Variants in ATP10B observed in about 807,000 individuals in gnomAD.
ATP10B encodes the protein phospholipid-transporting ATPase VB.
ATP10B carries 122 observed loss-of-function variants against 141.2 expected under a neutral mutation model. The observed-to-expected ratio is 0.86, with a 90% CI of 0.75 to 1.00. The LOEUF (loss-of-function observed/expected upper bound fraction) is 1.00, where lower values mean the gene tolerates loss of function less well. Ranked by LOEUF, ATP10B falls within the 50% of genes least tolerant of loss-of-function variation. The pLI is 0.00. For missense variants in ATP10B, 1,876 were observed against 1,825.3 expected, an observed-to-expected ratio of 1.03 and a Z score of -0.51; for synonymous variants, 685 against 692.0, an observed-to-expected ratio of 0.99 and a Z score of 0.16.
intron 14 of ATP10B, 30 bp downstream of exon 14, chr5:160,622,364 C>T: frequency 6.3e-7 from 1 of 1,583,374 alleles, no homozygotes; most frequent in Non-Finnish European, 8.6e-7. Flanking sequence ...CCTCCTTTAC[C>T]CTCCTCCCCC....
chr5:160,730,006 G>A (rs1766625261), intron 2 of ATP10B, among the ~76,000 whole-genome samples: 1 of 152,094 alleles, frequency 6.6e-6, no homozygotes, highest in Admixed American at 6.5e-5. Flanking sequence ...TGATGATAAC[G>A]GTCATGCTAA....
At chr5:160,649,502 TGCCTGGGTGTGGGGCTGTA>T (rs1167798299) in intron 7 of ATP10B, among the ~76,000 whole-genome samples, 1 of 152,332 alleles carries the variant, frequency 6.6e-6, no homozygotes, top group Non-Finnish European at 1.5e-5. Flanking sequence ...TTCTCTGACC[TGCCTGGGTGTGGGGCTGTA>T]GCCCAGATCT....
At chr5:160,623,670 TA>T (rs1366006815) in intron 13 of ATP10B, among the ~76,000 whole-genome samples, 1 of 152,200 alleles carries the variant, frequency 6.6e-6, no homozygotes, top group Non-Finnish European at 1.5e-5. Flanking sequence ...TATTGACCTA[TA>T]TGTTATTTGT....
At chr5:160,788,012 C>A (rs6886104) in intron 1 of ATP10B, among the ~76,000 whole-genome samples, 17,139 of 152,134 alleles carry the variant, frequency 0.11, 1,045 homozygotes, top group East Asian at 0.13. Context: ...TAAAGTTTTG[C>A]CCCTGTCCTC....
rs1337231869 is a variant in ATP10B at position 160,637,037 on chromosome 5, CATGA to C, written c.1001-732_1001-729del. ...CCATCTATCCATCCATCCATCCATCCATGAATCCATCCATCCATCCATCCATCCA... is the reference window on the plus strand; with the variant it reads ...CCATCTATCCATCCATCCATCCATCCATCCATCCATCCATCCATCCATCCA... On this transcript the variant is annotated intron_variant, in intron 10 of 25. Transcript: ENST00000327245. Among the ~76,000 whole-genome samples, 10 of 18,324 alleles carry C rather than the reference CATGA, an allele frequency of 5.5e-4. 1 individual carries two copies. Among genetic ancestry groups the C allele is most frequent in the African/African-American group, 2.5e-3 (8 of 3,142 alleles). The allele number at this position is 18,324 out of a possible 152,430, so 12.0% of individuals were successfully genotyped here.
At chr5:160,822,317 C>A (rs557888863) in intron 1 of ATP10B, among the ~76,000 whole-genome samples, 12 of 152,188 alleles carry the variant, frequency 7.9e-5, no homozygotes, top group Non-Finnish European at 1.2e-4. Context: ...AGTGAGATAT[C>A]ATTTCACCCC....
chr5:160,859,339 C>A, the ATP10B span, among the ~76,000 whole-genome samples: 1 of 151,816 alleles, frequency 6.6e-6, no homozygotes, highest in Non-Finnish European at 1.5e-5. Context: ...ATTATTCTTC[C>A]TCTAAGGTAA....
chr5:160,730,117 G>C (rs973891529), intron 2 of ATP10B, among the ~76,000 whole-genome samples: 2 of 151,978 alleles, frequency 1.3e-5, no homozygotes, highest in Admixed American at 1.3e-4. Context: ...CTAGCTGTTA[G>C]GCACTATGCA....
the ATP10B span, among the ~76,000 whole-genome samples, chr5:160,873,123 G>GTT: frequency 2.4e-3 from 221 of 91,588 alleles, 1 homozygote; most frequent in African/African-American, 7.4e-3. Context: ...GGTTTTTTTT[G>GTT]TTTTTTTTTT....
intron 6 of ATP10B, among the ~76,000 whole-genome samples, chr5:160,673,850 A>AT (rs1762873490): frequency 6.6e-6 from 1 of 152,204 alleles, no homozygotes; most frequent in Non-Finnish European, 1.5e-5. Context: ...CAGGCATTGG[A>AT]ATGGTCCATA....
At chr5:160,841,805 G>A (rs10866722) in intron 1 of ATP10B, among the ~76,000 whole-genome samples, 1 of 151,944 alleles carries the variant, frequency 6.6e-6, no homozygotes, top group Non-Finnish European at 1.5e-5. Flanking sequence ...GTTCACTGCA[G>A]CATCTGCCTC....
At chr5:160,627,372 T>A (rs188701711) in intron 13 of ATP10B, among the ~76,000 whole-genome samples, 1 of 152,348 alleles carries the variant, frequency 6.6e-6, no homozygotes, top group Admixed American at 6.5e-5. Context: ...TCTATTAGAC[T>A]TTATGTCCCT....
At chr5:160,680,342 C>T (rs112552937) in intron 6 of ATP10B, among the ~76,000 whole-genome samples, 60 of 152,208 alleles carry the variant, frequency 3.9e-4, no homozygotes, top group African/African-American at 1.4e-3. Flanking sequence ...CTTTTCCTGA[C>T]ATCTGTCATG....
chr5:160,685,336 G>T, intron 6 of ATP10B: 1 of 575,154 alleles, frequency 1.7e-6, no homozygotes, highest in East Asian at 2.9e-5. Context: ...GAAAAGCCAG[G>T]CTGCAAACCC....
the ATP10B span, among the ~76,000 whole-genome samples, chr5:160,859,457 A>T: frequency 2.0e-5 from 3 of 151,298 alleles, no homozygotes; most frequent in Admixed American, 2.0e-4. Flanking sequence ...TCTGTTTGGG[A>T]TTTCCTCACC....
chr5:160,684,693 A>G, intron 6 of ATP10B: 1 of 550,666 alleles, frequency 1.8e-6, no homozygotes, highest in Non-Finnish European at 3.2e-6. Context: ...TATAAAGCTC[A>G]CTGTAGAGAA....
the ATP10B span, among the ~76,000 whole-genome samples, chr5:160,877,302 G>T: frequency 6.9e-6 from 1 of 144,398 alleles, no homozygotes; most frequent in East Asian, 2.2e-4. Context: ...TATCTCAATA[G>T]ATGCAGAAAA....
intron 2 of ATP10B, among the ~76,000 whole-genome samples, chr5:160,751,958 T>C (rs1469072751): frequency 6.6e-6 from 1 of 152,192 alleles, no homozygotes; most frequent in African/African-American, 2.4e-5. Flanking sequence ...GAAGATTCTC[T>C]AAGGCCCAGG....
intron 7 of ATP10B, among the ~76,000 whole-genome samples, chr5:160,651,818 C>T (rs1668394268): frequency 6.6e-6 from 1 of 152,108 alleles, no homozygotes; most frequent in African/African-American, 2.4e-5. Flanking sequence ...CCTTTTCCCT[C>T]CAGGTATTGA....
Sources: allele counts gnomAD v4.1 joint callset (sites outside exome capture counted in the v4.1 genomes callset), GRCh38; gene constraint gnomAD v4.1.1; transcripts MANE v1.5; gene names NCBI Gene and HGNC (gene_info 2026-07-23, HGNC 2026-07-21).